Variants in CLDN12 observed in about 807,000 individuals in gnomAD.
The protein encoded by CLDN12 is claudin 12, also known as claudin-12.
Under a neutral mutation model 15.5 loss-of-function variants are expected in CLDN12, and 9 were observed. The ratio of observed to expected loss-of-function variants is 0.58; its 90% CI spans 0.35 to 1.02. The LOEUF (loss-of-function observed/expected upper bound fraction) is 1.02, where lower values mean the gene tolerates loss of function less well. CLDN12 is among the 50% of genes least tolerant of loss of function. The pLI, the probability that CLDN12 is intolerant of heterozygous loss-of-function variation, is 0.02. For synonymous variants in CLDN12, 140 were observed against 121.6 expected, an observed-to-expected ratio of 1.15 and a Z score of -1.00; for missense variants, 233 against 297.3, an observed-to-expected ratio of 0.78 and a Z score of 1.59.
In CLDN12 at chr7:90,411,455, A is replaced by T. The variant is rs181489845; in HGVS notation, c.-76-552A>T. Among the ~76,000 whole-genome samples the T allele has an allele frequency of 5.1e-4, 78 of 152,344 alleles. No individual in the cohort carries two copies. The Middle Eastern group carries it at 0.02, about 40-fold the overall frequency. On this transcript the variant is annotated intron_variant, in intron 2 of 3. Transcript: ENST00000496677. The stretch of plus-strand genomic sequence containing the variant: ...ATAGTTTGCCATATACAGAAAAAGA[A>T]CATGGCCTTTTAATTTGGAATGAAA...
intron 2 of CLDN12, among the ~76,000 whole-genome samples, chr7:90,407,824 AG>A (rs1484840195): frequency 2.0e-5 from 3 of 152,206 alleles, no homozygotes; most frequent in African/African-American, 7.2e-5. Flanking sequence ...AAAGACCATG[AG>A]GGAAGGCCCT....
chr7:90,412,602 A>C (rs890225584), intron 3 of CLDN12, 42 bp from the exon 4 acceptor site: 64 of 1,497,920 alleles, frequency 4.3e-5, no homozygotes, highest in Non-Finnish European at 5.5e-5. Context: ...CTGTTCTGCT[A>C]TTGTCCCCTC....
Position 90,413,355 on chromosome 7 carries a change from C to A in CLDN12, c.679C>A (p.Arg227Ser). The A allele has an allele frequency of 6.2e-7, 1 of 1,614,168 alleles. No homozygotes were observed. Among genetic ancestry groups the A allele is most frequent in the Non-Finnish European group, 8.5e-7 (1 of 1,180,008 alleles). ...TACTTACTCACAGCCCTATTCAGCA[C>A]GCTCTCGCCTCTCTGCCATTGAAAT... ...MHTYSQPYSA[R>S]SRLSAIEIDI... Residue 227 changes from arginine to serine, a missense_variant, in exon 4 of 4, where the codon CGC becomes AGC. Transcript: ENST00000496677.
rs139735746 is a variant in CLDN12, at chr7:90,404,896, T to A, written c.-166-623T>A. Among the ~76,000 whole-genome samples, 1,465 of 151,994 alleles carry A rather than the reference T, an allele frequency of 9.6e-3. 13 individuals carry two copies. Among genetic ancestry groups the A allele is most frequent in the Middle Eastern group, 0.017 (5 of 294 alleles). ...AGGAATAAACAGCCTTTTTATTTTT[T>A]TTTTTTTATTATTTGAGACAGATCA... On this transcript the variant is annotated intron_variant, in intron 1 of 3. Coordinates refer to ENST00000496677, the MANE Select transcript of CLDN12 (RefSeq NM_001185072.3).
In CLDN12 at chr7:90,415,124, TTATATA is replaced by T. The variant is rs1233683720; in HGVS notation, c.*1718_*1723del. On this transcript the variant is annotated 3_prime_UTR_variant, in exon 4 of 4. Coordinates refer to ENST00000496677, the MANE Select transcript of CLDN12 (RefSeq NM_001185072.3). ...TTTTTCCCCTAATTCCAACACTAGT[TTATATA>T]TATAGCGAATAAATCTAGTTGTATA... 1.8e-5 allele frequency: 3 copies of T among 166,226 alleles called. No individual in the cohort carries two copies. Among genetic ancestry groups the T allele is most frequent in the African/African-American group, 7.2e-5 (3 of 41,442 alleles). 10.3% of individuals were successfully genotyped at this position (166,226 alleles called of 1,614,324 possible).
Position 90,413,176 on chromosome 7 carries a change from C to T in CLDN12, c.500C>T (p.Pro167Leu). The change falls in exon 4 of 4, where the codon CCA becomes CTA. Residue 167 changes from proline to leucine, a missense_variant. Coordinates refer to ENST00000496677, the MANE Select transcript of CLDN12 (RefSeq NM_001185072.3). ...ATCCATCTGAACAAGAAGTTTGAGC[C>T]AGTCTTTTCATTTGACTATGCAGTG... is the stretch of plus-strand genomic sequence containing the variant. ...YNIHLNKKFE[P>L]VFSFDYAVYV... is the part of the protein sequence containing the mutation. 2 of 1,614,172 alleles carry T rather than the reference C, an allele frequency of 1.2e-6. No homozygotes were observed. Among genetic ancestry groups the T allele is most frequent in the Non-Finnish European group, 1.7e-6 (2 of 1,180,026 alleles).
intron 2 of CLDN12, among the ~76,000 whole-genome samples, chr7:90,406,501 T>C (rs915898394): frequency 6.6e-6 from 1 of 152,238 alleles, no homozygotes; most frequent in Non-Finnish European, 1.5e-5. Flanking sequence ...AGTCATTTGC[T>C]GAGGGTCCAG....
At position 90,407,588 on chromosome 7, in the gene CLDN12, C is replaced by CA. The variant is rs139136039; in HGVS notation, c.-77+1983dup. On this transcript the variant is annotated intron_variant, in intron 2 of 3. Coordinates refer to ENST00000496677, the MANE Select transcript of CLDN12 (RefSeq NM_001185072.3). ...CCAGTATAGGGAACAGTGAACAAAA[C>CA]AAAGGGATCTCTGTCCCTGGAATTC... Among the ~76,000 whole-genome samples the CA allele has an allele frequency of 8.8e-3, 1,346 of 152,198 alleles. 20 individuals carry two copies. Among genetic ancestry groups the CA allele is most frequent in the African/African-American group, 0.03 (1,258 of 41,534 alleles).
At chr7:90,407,819 C>T (rs1796870952) in intron 2 of CLDN12, among the ~76,000 whole-genome samples, 1 of 152,062 alleles carries the variant, frequency 6.6e-6, no homozygotes, top group Non-Finnish European at 1.5e-5. Context: ...AGGAGAAAGA[C>T]CATGAGGGAA....
chr7:90,412,802 C>A lies in CLDN12; in HGVS notation c.126C>A (p.Asn42Lys). ...GAAAATTACGATTGATCACATTCAA[C>A]AGAAACGAGAAGAACCTGACTGTTT... is the stretch of plus-strand genomic sequence containing the variant. ...NWRKLRLITF[N>K]RNEKNLTVYT... Residue 42 changes from asparagine (N) to lysine (K), a missense_variant, in exon 4 of 4, where the codon AAC becomes AAA. Asn to Lys is a moderately conservative substitution (Grantham distance 94). Coordinates refer to ENST00000496677, the MANE Select transcript of CLDN12 (RefSeq NM_001185072.3). The A allele has an allele frequency of 6.2e-7, 1 of 1,614,206 alleles. No homozygotes were observed. The highest frequency in any genetic ancestry group is 8.5e-7 in the Non-Finnish European group (1 of 1,180,044).
chr7:90,407,106 G>C (rs982738848), intron 2 of CLDN12, among the ~76,000 whole-genome samples: 3 of 151,962 alleles, frequency 2.0e-5, no homozygotes, highest in Non-Finnish European at 4.4e-5. Context: ...CACCATATTG[G>C]CCAGGCTAGT....
chr7:90,415,839 C>A lies in CLDN12; in HGVS notation c.*2428C>A, dbSNP rs1797060823. ...GGGAGAGAAAACAAACCTAAGTTTA[C>A]TTTACTTGTACATATACACTACAAT... On this transcript the variant is annotated 3_prime_UTR_variant, in exon 4 of 4. Transcript: ENST00000496677. 6.0e-6 allele frequency: 1 copy of A among 167,030 alleles called. No homozygotes were observed. The highest frequency in any genetic ancestry group is 2.1e-4 in the South Asian group (1 of 4,832). 10.3% of individuals were successfully genotyped at this position (167,030 alleles called of 1,614,324 possible).
intron 2 of CLDN12, chr7:90,405,967 G>A (rs1359052450): frequency 6.6e-6 from 1 of 152,232 alleles, no homozygotes; most frequent in East Asian, 1.9e-4. Flanking sequence ...GCCAGTTGTG[G>A]TGGTACATGC....
intron 2 of CLDN12, among the ~76,000 whole-genome samples, chr7:90,408,150 G>A (rs187089119): frequency 2.0e-5 from 3 of 152,270 alleles, no homozygotes; most frequent in East Asian, 1.9e-4. Context: ...AATCCTAATC[G>A]GGAAGTCAGC....
rs140874494 is a variant in CLDN12 at position 90,410,971 on chromosome 7, T to C, written c.-76-1036T>C. ...ATGATTGTGTCATTGCACTCTAGCC[T>C]GGGCAACAGAGTAAGACTTGTTTCA... is the stretch of plus-strand genomic sequence containing the variant. On this transcript the variant is annotated intron_variant, in intron 2 of 3. Coordinates refer to ENST00000496677, the MANE Select transcript of CLDN12 (RefSeq NM_001185072.3). 2.9e-3 allele frequency among the ~76,000 whole-genome samples: 442 copies of C among 152,008 alleles called. 4 individuals carry two copies. The highest frequency in any genetic ancestry group is 9.4e-3 in the African/African-American group (388 of 41,452).
At position 90,413,561 on chromosome 7, in the gene CLDN12, A is replaced by G. The variant is rs1797016195; in HGVS notation, c.*150A>G. ...TGTCCTAGTAGAATGAAGTGCTGCT[A>G]GTTTTTATGAGAAGTATATTATATT... On this transcript the variant is annotated 3_prime_UTR_variant, in exon 4 of 4. Coordinates refer to ENST00000496677, the MANE Select transcript of CLDN12 (RefSeq NM_001185072.3). 7.0e-7 allele frequency: 1 copy of G among 1,432,496 alleles called. No individual in the cohort carries two copies. The highest frequency in any genetic ancestry group is 2.5e-5 in the East Asian group (1 of 39,760). The allele number at this position is 1,432,496 out of a possible 1,614,324, so 88.7% of individuals were successfully genotyped here. A position where few individuals can be genotyped will look rare whatever the true frequency, so the allele number is the denominator to read the frequency against.
At position 90,403,530 on chromosome 7, in the gene CLDN12, G is replaced by A. The variant is rs552258236; in HGVS notation, c.-186G>A. ...GCTCCTCAGTGTGGGCGAGTAAAAT[G>A]CCCTGCGTGTGAGAAGCAGGTAGGT... On this transcript the variant is annotated 5_prime_UTR_variant, in exon 1 of 4. The change abolishes an upstream ATG in the 5' untranslated region. Transcript: ENST00000496677. The A allele has an allele frequency of 6.6e-6, 1 of 152,214 alleles. No homozygotes were observed. The highest frequency in any genetic ancestry group is 1.9e-4 in the East Asian group (1 of 5,190). The allele number at this position is 152,214 out of a possible 1,614,324, so 9.4% of individuals were successfully genotyped here.
At chr7:90,408,032 A>G (rs1208620463) in intron 2 of CLDN12, among the ~76,000 whole-genome samples, 5 of 152,192 alleles carry the variant, frequency 3.3e-5, no homozygotes, top group African/African-American at 7.2e-5. Flanking sequence ...TTGAATGGTA[A>G]GAAATGGAAT....
rs1328221542 is a variant in CLDN12 at position 90,413,739 on chromosome 7, T to G, written c.*328T>G. 9.5e-7 allele frequency: 1 copy of G among 1,056,928 alleles called. No homozygotes were observed. The highest frequency in any genetic ancestry group is 5.2e-5 in the Admixed American group (1 of 19,256). 65.5% of individuals were successfully genotyped at this position (1,056,928 alleles called of 1,614,324 possible). On this transcript the variant is annotated 3_prime_UTR_variant, in exon 4 of 4. Coordinates refer to ENST00000496677, the MANE Select transcript of CLDN12 (RefSeq NM_001185072.3). ...AAGAATGATGGTTAGCAGAAGCTGT[T>G]GTATACAATCTTCATGAAAATTTCA...
Sources: gnomAD v4.1 joint callset for allele counts (sites outside exome capture counted in the v4.1 genomes callset) on GRCh38, gnomAD v4.1.1 for gene constraint, MANE v1.5 for transcripts, NCBI Gene and HGNC (gene_info 2026-07-23, HGNC 2026-07-21) for gene names.